The following HSD17B12 variants were observed in gnomAD, a reference collection of about 807,000 sequenced individuals.
HSD17B12 encodes very-long-chain 3-oxoacyl-CoA reductase.
Under a neutral mutation model 39.3 loss-of-function variants are expected in HSD17B12, and 32 were observed. The ratio of observed to expected loss-of-function variants is 0.81; its 90% CI spans 0.61 to 1.09. The LOEUF (loss-of-function observed/expected upper bound fraction) is 1.09. Among genes scored for constraint, HSD17B12 ranks in the 50% least tolerant of loss-of-function variants. The probability of loss-of-function intolerance (pLI) is 0.00; values close to 1 mark genes in which losing one functional copy is unlikely to be tolerated. For synonymous variants in HSD17B12, 150 were observed against 146.7 expected (o/e 1.02, Z -0.16); for missense variants, 342 against 382.9 (o/e 0.89, Z 0.89).
At chr11:43,799,913 C>T (rs898642324) in intron 4 of HSD17B12, among the ~76,000 whole-genome samples, 25 of 152,190 alleles carry the variant, frequency 1.6e-4, no homozygotes, top group African/African-American at 5.8e-4. Context: ...CACACATCAC[C>T]ATGCCCCATA....
chr11:43,731,642 G>T (rs1950268422), intron 1 of HSD17B12, among the ~76,000 whole-genome samples: 2 of 152,148 alleles, frequency 1.3e-5, no homozygotes, highest in Non-Finnish European at 2.9e-5. Flanking sequence ...GCAGCCTGCA[G>T]GTTGGTCATC....
chr11:43,648,891 C>T, the HSD17B12 span, among the ~76,000 whole-genome samples: 2 of 152,172 alleles, frequency 1.3e-5, no homozygotes, highest in East Asian at 3.9e-4. Flanking sequence ...ACCACCATGC[C>T]TAGCTAATTT....
chr11:43,568,303 A>C, the HSD17B12 span, among the ~76,000 whole-genome samples: 2 of 152,156 alleles, frequency 1.3e-5, no homozygotes, highest in African/African-American at 4.8e-5. Flanking sequence ...GGGTTTCACC[A>C]TGTTGGCCAG....
At chr11:43,746,301 A>T (rs114493814) in intron 1 of HSD17B12, among the ~76,000 whole-genome samples, 1 of 152,172 alleles carries the variant, frequency 6.6e-6, no homozygotes, top group Non-Finnish European at 1.5e-5. Context: ...AAAAAGAAAC[A>T]CATTGTATAC....
the HSD17B12 span, among the ~76,000 whole-genome samples, chr11:43,604,170 C>A: frequency 2.0e-5 from 3 of 152,140 alleles, no homozygotes; most frequent in Admixed American, 6.5e-5. Context: ...AAAATGTATT[C>A]TTTAAAAATA....
chr11:43,571,666 T>G, the HSD17B12 span, among the ~76,000 whole-genome samples: 1 of 152,064 alleles, frequency 6.6e-6, no homozygotes, highest in Non-Finnish European at 1.5e-5. Context: ...TACTTTCAGG[T>G]GAATAGACTG....
chr11:43,569,473 C>T, the HSD17B12 span: 2 of 152,208 alleles, frequency 1.3e-5, no homozygotes, highest in African/African-American at 2.4e-5. Context: ...GGTTTGACCT[C>T]CTAATACCAC....
the HSD17B12 span, among the ~76,000 whole-genome samples, chr11:43,578,351 A>G: frequency 6.6e-6 from 1 of 152,158 alleles, no homozygotes; most frequent in Admixed American, 6.5e-5. Flanking sequence ...ATACAGGGTA[A>G]CAGGGGTGCA....
At chr11:43,764,466 A>G (rs1950579307) in intron 3 of HSD17B12, among the ~76,000 whole-genome samples, 1 of 152,138 alleles carries the variant, frequency 6.6e-6, no homozygotes, top group Admixed American at 6.5e-5. Flanking sequence ...GAAAGAGAGA[A>G]TTGATGGGCA....
chr11:43,750,224 C>G (rs1017616745), intron 1 of HSD17B12, among the ~76,000 whole-genome samples: 1 of 152,064 alleles, frequency 6.6e-6, no homozygotes, highest in Non-Finnish European at 1.5e-5. Context: ...CCGTATTGCC[C>G]TTCCCTGTTA....
chr11:43,843,761 T>G (rs1170473902), intron 9 of HSD17B12, among the ~76,000 whole-genome samples: 1 of 152,198 alleles, frequency 6.6e-6, no homozygotes, highest in South Asian at 2.1e-4. Context: ...TCTCAGCTCC[T>G]TGGCACATTT....
chr11:43,653,564 C>A, the HSD17B12 span, among the ~76,000 whole-genome samples: 9 of 152,068 alleles, frequency 5.9e-5, no homozygotes, highest in African/African-American at 2.2e-4. Flanking sequence ...CCCCACCTCA[C>A]AACAGTCCCC....
At chr11:43,707,702 A>G (rs1950028582) in intron 1 of HSD17B12, among the ~76,000 whole-genome samples, 1 of 152,196 alleles carries the variant, frequency 6.6e-6, no homozygotes, top group Admixed American at 6.5e-5. Flanking sequence ...AACATGCATA[A>G]TTTGTTTAAA....
At chr11:43,584,395 A>G in the HSD17B12 span, among the ~76,000 whole-genome samples, 1 of 152,190 alleles carries the variant, frequency 6.6e-6, no homozygotes, top group Non-Finnish European at 1.5e-5. Context: ...CTCTTGAATC[A>G]GCATCCATGC....
At chr11:43,820,196 T>C (rs2135089361) in intron 6 of HSD17B12, among the ~76,000 whole-genome samples, 1 of 152,278 alleles carries the variant, frequency 6.6e-6, no homozygotes, top group South Asian at 2.1e-4. Flanking sequence ...AGTGCTGTGC[T>C]CAACAGGCTA....
At chr11:43,588,978 TTTATTA>T in the HSD17B12 span, among the ~76,000 whole-genome samples, 79,266 of 148,530 alleles carry the variant, frequency 0.53, 21,339 homozygotes, top group East Asian at 0.72. Flanking sequence ...TCTTTTTGCC[TTTATTA>T]TTATTATTAT....
the HSD17B12 span, among the ~76,000 whole-genome samples, chr11:43,568,005 A>C: frequency 6.6e-6 from 1 of 152,178 alleles, no homozygotes; most frequent in Non-Finnish European, 1.5e-5. Flanking sequence ...TGATCTCATC[A>C]CCTAATATAA....
chr11:43,773,569 G>A (rs1950670035), intron 3 of HSD17B12, among the ~76,000 whole-genome samples: 1 of 152,130 alleles, frequency 6.6e-6, no homozygotes, highest in Non-Finnish European at 1.5e-5. Flanking sequence ...AGAGTAGTTT[G>A]AGTTCACAGC....
At chr11:43,817,028 CTATATCTATATCTA>C (rs1374230162) in intron 6 of HSD17B12, among the ~76,000 whole-genome samples, 6 of 20,126 alleles carry the variant, frequency 3.0e-4, no homozygotes, top group Non-Finnish European at 4.2e-4. Flanking sequence ...ATATCTATAT[CTATATCTATATCTA>C]TATATATATA....
Sources: gnomAD v4.1 joint callset for allele counts (sites outside exome capture counted in the v4.1 genomes callset) on GRCh38, gnomAD v4.1.1 for gene constraint, MANE v1.5 for transcripts, NCBI Gene and HGNC (gene_info 2026-07-23, HGNC 2026-07-21) for gene names.